STYXL1: variants seen among roughly 807,000 people sequenced by gnomAD.
STYXL1 encodes serine/threonine/tyrosine interacting like 1, also known as serine/threonine/tyrosine-interacting-like protein 1.
Under a neutral mutation model 36.4 loss-of-function variants are expected in STYXL1, and 32 were observed. That is an observed-to-expected ratio of 0.88 (90% CI 0.66 to 1.18). The LOEUF (loss-of-function observed/expected upper bound fraction) is 1.18. STYXL1 is among the 50% of genes most tolerant of loss of function. The pLI is 0.00. For synonymous variants in STYXL1, 133 were observed against 144.1 expected (o/e 0.92, Z 0.55); for missense variants, 354 against 394.1 (o/e 0.90, Z 0.86).
intron 7 of STYXL1, among the ~76,000 whole-genome samples, chr7:76,002,778 G>T (rs1392364534): frequency 6.6e-6 from 1 of 152,124 alleles, no homozygotes; most frequent in African/African-American, 2.4e-5. Context: ...GCAAAAATTA[G>T]TTGGACGTGG....
At chr7:76,025,353 C>T (rs966789972) in intron 3 of STYXL1, among the ~76,000 whole-genome samples, 16 of 152,062 alleles carry the variant, frequency 1.1e-4, no homozygotes, top group East Asian at 1.9e-4. Flanking sequence ...GAATTGGAGA[C>T]GCTGAGGGGC....
intron 2 of STYXL1, among the ~76,000 whole-genome samples, chr7:76,029,470 G>A (rs550466869): frequency 6.6e-6 from 1 of 152,060 alleles, no homozygotes; most frequent in East Asian, 1.9e-4. Context: ...CTAAAGCAGC[G>A]ATCCCCAATC....
intron 6 of STYXL1, 71 bp downstream of exon 6, chr7:76,005,188 T>A (rs748418737): frequency 2.4e-5 from 23 of 954,064 alleles, no homozygotes; most frequent in East Asian, 1.1e-4. Flanking sequence ...TTAAAAAAAA[T>A]AAATAAAATA....
chr7:76,024,785 C>T (rs1794478094), intron 3 of STYXL1, among the ~76,000 whole-genome samples: 1 of 151,746 alleles, frequency 6.6e-6, no homozygotes, highest in Admixed American at 6.6e-5. Context: ...TCCATCTCTA[C>T]TAAAAATGCA....
intron 1 of STYXL1, among the ~76,000 whole-genome samples, chr7:76,039,900 A>G (rs1434635061): frequency 1.3e-5 from 2 of 151,994 alleles, no homozygotes; most frequent in African/African-American, 4.8e-5. Context: ...ACCTGCCTCA[A>G]CTTCCCAAAG....
rs782628258 is a variant in STYXL1 at position 76,022,001 on chromosome 7, A to G, written c.166-9T>C. On this transcript the variant is annotated splice_polypyrimidine_tract_variant and intron_variant, in intron 3 of 8. Coordinates refer to ENST00000359697, the MANE Select transcript of STYXL1 (RefSeq NM_001317785.2). ...AGATATTCATTATTTTTCTTAAAAA[A>G]AAAAACACACACACACAAGAGAGGC... 6.3e-7 allele frequency: 1 copy of G among 1,598,846 alleles called. No homozygotes were observed. Among genetic ancestry groups the G allele is most frequent in the Non-Finnish European group, 8.5e-7 (1 of 1,177,980 alleles).
chr7:76,002,211 CCT>C (rs1554567896), intron 7 of STYXL1, among the ~76,000 whole-genome samples: 2 of 152,166 alleles, frequency 1.3e-5, no homozygotes, highest in African/African-American at 2.4e-5. Flanking sequence ...CAGTATACTA[CCT>C]ACTTCATACA....
At chr7:76,021,068 C>G (rs1554575996) in intron 4 of STYXL1, among the ~76,000 whole-genome samples, 4 of 150,980 alleles carry the variant, frequency 2.6e-5, no homozygotes. Flanking sequence ...CACATAAGAC[C>G]CTGTTACAAG....
Position 76,013,811 on chromosome 7 carries a change from T to C in STYXL1, c.384A>G (p.Lys128=), listed in dbSNP as rs782185648. 7 of 1,613,924 alleles carry C rather than the reference T, an allele frequency of 4.3e-6. No homozygotes were observed. Among genetic ancestry groups the C allele is most frequent in the South Asian group, 1.1e-5 (1 of 91,080 alleles). ...TGCCTGAGAAGCGCTCATAGCCCCC[T>C]TTCAGGATGTAGACGGGGTGGTGGG... ...RLTHHPVYIL[K]GGYERFSGTY... The change falls in exon 5 of 9, where the codon AAA becomes AAG. Residue 128 remains lysine (K), a synonymous_variant. Coordinates refer to ENST00000359697, the MANE Select transcript of STYXL1 (RefSeq NM_001317785.2).
At chr7:75,996,822 C>G (rs1790189567) in intron 8 of STYXL1, among the ~76,000 whole-genome samples, 1 of 152,212 alleles carries the variant, frequency 6.6e-6, no homozygotes, top group Non-Finnish European at 1.5e-5. Flanking sequence ...AATCTGGTGA[C>G]AGAAATAATT....
In STYXL1 at chr7:76,000,870, C is replaced by A. The variant is rs782264311; in HGVS notation, c.810+20G>T. The stretch of plus-strand genomic sequence containing the variant: ...CCCAGGGGGTGGCCGTGGTGCGAGC[C>A]TGGCCCGGGGAACGCATACCTGCAA... On this transcript the variant is annotated intron_variant, in intron 8 of 8. Coordinates refer to ENST00000359697, the MANE Select transcript of STYXL1 (RefSeq NM_001317785.2). 2.5e-6 allele frequency: 4 copies of A among 1,610,046 alleles called. No individual in the cohort carries two copies. In the Admixed American group the frequency reaches 6.7e-5, roughly 27 times the overall value.
intron 1 of STYXL1, among the ~76,000 whole-genome samples, chr7:76,042,270 T>TCCAAA (rs1335185112): frequency 8.6e-5 from 13 of 152,038 alleles, no homozygotes; most frequent in Non-Finnish European, 1.8e-4. Flanking sequence ...ACAACTGTTA[T>TCCAAA]CCAAACCAAA....
rs575756283 is a variant in STYXL1, at chr7:76,014,788, ATTATAT to A, written c.308-907_308-902del. Among the ~76,000 whole-genome samples the A allele has an allele frequency of 7.7e-4, 114 of 148,476 alleles. 4 individuals are homozygous for A. In the South Asian group the frequency reaches 8.0e-3, roughly 10 times the overall value. ...GTTTACATATTATATACATGTATAT[ATTATAT>A]TTATACCACATATATATGTCAACTG... On this transcript the variant is annotated intron_variant, in intron 4 of 8. Coordinates refer to ENST00000359697, the MANE Select transcript of STYXL1 (RefSeq NM_001317785.2).
intron 1 of STYXL1, among the ~76,000 whole-genome samples, chr7:76,032,775 T>C (rs538977062): frequency 2.6e-5 from 4 of 151,878 alleles, no homozygotes; most frequent in South Asian, 2.1e-4. Flanking sequence ...TCTCACCTAG[T>C]TGGGGGAATG....
intron 1 of STYXL1, among the ~76,000 whole-genome samples, chr7:76,033,904 C>A (rs1450557357): frequency 6.6e-6 from 1 of 152,202 alleles, no homozygotes; most frequent in Non-Finnish European, 1.5e-5. Flanking sequence ...CTGCCTGGCC[C>A]TAAGGAGTGG....
chr7:76,042,360 C>T (rs959154041), intron 1 of STYXL1, among the ~76,000 whole-genome samples: 1 of 145,388 alleles, frequency 6.9e-6, no homozygotes, highest in Non-Finnish European at 1.5e-5. Context: ...CGCCCTCCTC[C>T]ACCAACTGCT....
chr7:76,000,340 C>A (rs1486421221), intron 8 of STYXL1: 1 of 445,774 alleles, frequency 2.2e-6, no homozygotes, highest in Non-Finnish European at 4.6e-6. Context: ...CTCTCCTTCC[C>A]CCAAAAACAT....
At chr7:76,028,096 G>A (rs1419496032) in intron 3 of STYXL1, among the ~76,000 whole-genome samples, 8 of 152,200 alleles carry the variant, frequency 5.3e-5, no homozygotes, top group East Asian at 1.9e-4. Flanking sequence ...GTACAGTGGC[G>A]TGATCTCAGC....
intron 3 of STYXL1, among the ~76,000 whole-genome samples, chr7:76,028,280 C>T (rs140534447): frequency 2.0e-5 from 3 of 152,154 alleles, no homozygotes; most frequent in African/African-American, 7.2e-5. Flanking sequence ...GTGATCTGCC[C>T]GTCTCAGCCT....
Sources: gnomAD v4.1 joint callset for allele counts (sites outside exome capture counted in the v4.1 genomes callset) on GRCh38, gnomAD v4.1.1 for gene constraint, MANE v1.5 for transcripts, NCBI Gene and HGNC (gene_info 2026-07-23, HGNC 2026-07-21) for gene names.